Variants in MED23 observed in about 807,000 individuals in gnomAD.
MED23 encodes mediator of RNA polymerase II transcription subunit 23.
MED23 carries 105 observed loss-of-function variants against 163.9 expected under a neutral mutation model. The ratio of observed to expected loss-of-function variants is 0.64; its 90% CI spans 0.55 to 0.75. MED23 has a LOEUF of 0.75. MED23 is among the 30% of genes least tolerant of loss of function. The pLI is 0.00. For missense variants in MED23, 1,054 were observed against 1,649.0 expected (o/e 0.64, Z 6.25); for synonymous variants, 561 against 565.6 (o/e 0.99, Z 0.12).
chr6:131,581,154 GAAT>G, intron 30 of MED23: 2 of 1,525,856 alleles, frequency 1.3e-6, no homozygotes, highest in Non-Finnish European at 1.8e-6. Context: ...AGCATTGAGT[GAAT>G]AATATGATGT....
intron 22 of MED23, among the ~76,000 whole-genome samples, chr6:131,595,490 G>A (rs1173701291): frequency 1.3e-5 from 2 of 152,178 alleles, no homozygotes; most frequent in East Asian, 1.9e-4. Flanking sequence ...AGCATTCAAG[G>A]TGATCTACAG....
At position 131,628,150 on chromosome 6, in the gene MED23, A is replaced by G; in HGVS notation, c.-101T>C. On this transcript the variant is annotated 5_prime_UTR_variant, in exon 1 of 29. Transcript: ENST00000368068. Reference sequence around the variant, plus strand: ...AGAGGGGCGGAGACCTCTGGAGGAAACCGTAGCTCCTCGGCGTCGCTTCCT... The same window carrying G: ...AGAGGGGCGGAGACCTCTGGAGGAAGCCGTAGCTCCTCGGCGTCGCTTCCT... 7.2e-7 allele frequency: 1 copy of G among 1,383,040 alleles called. No individual in the cohort carries two copies. The highest frequency in any genetic ancestry group is 1.4e-5 in the African/African-American group (1 of 70,446). The allele number at this position is 1,383,040 out of a possible 1,614,324, so 85.7% of individuals were successfully genotyped here.
intron 10 of MED23, among the ~76,000 whole-genome samples, chr6:131,613,442 G>C (rs1776420309): frequency 6.6e-6 from 1 of 152,166 alleles, no homozygotes; most frequent in Admixed American, 6.5e-5. Flanking sequence ...AAAGCTGTGA[G>C]TAAATTATCA....
chr6:131,620,789 T>G, intron 6 of MED23, 60 bp from the exon 7 acceptor site: 1 of 980,644 alleles, frequency 1.0e-6, no homozygotes, highest in East Asian at 2.6e-5. Context: ...GCCCTTTATT[T>G]TATTTATTAT....
chr6:131,627,209 C>A, intron 3 of MED23, 187 bp downstream of exon 3: 1 of 605,590 alleles, frequency 1.7e-6, no homozygotes, highest in Non-Finnish European at 2.9e-6. Context: ...CTTCTCAACA[C>A]AGGTTTTCCA....
At position 131,624,899 on chromosome 6, in the gene MED23, C is replaced by T. The variant is rs756291187; in HGVS notation, c.250G>A (p.Ala84Thr). 3.1e-6 allele frequency: 5 copies of T among 1,613,868 alleles called. No homozygotes were observed. Among genetic ancestry groups the T allele is most frequent in the Non-Finnish European group, 2.5e-6 (3 of 1,179,942 alleles). The change falls in exon 4 of 29, where the codon GCA (alanine) becomes ACA (threonine). Residue 84 changes from alanine (A) to threonine (T), a missense_variant. Ala to Thr is a moderately conservative substitution (Grantham distance 58). This residue lies in a region of MED23 where 227 missense variants were observed against 235.5 expected (regional missense o/e 0.96). Transcript: ENST00000368068. ...KRISFLYDCL[A>T]MAVETGLLPP... ...AGGAGACCAGTCTCAACTGCCATTGCTAAGCAGTCATAAAGAAAAGAAATT... is the reference window on the plus strand; with the variant it reads ...AGGAGACCAGTCTCAACTGCCATTGTTAAGCAGTCATAAAGAAAAGAAATT...
intron 30 of MED23, among the ~76,000 whole-genome samples, chr6:131,577,644 G>A (rs1219477316): frequency 6.6e-6 from 1 of 152,038 alleles, no homozygotes; most frequent in Non-Finnish European, 1.5e-5. Flanking sequence ...GCTGAGGCCT[G>A]TAATCCTATC....
rs922939404 is a variant in MED23 at position 131,627,803 on chromosome 6, C to T, written c.40-131G>A. On this transcript the variant is annotated intron_variant, in intron 1 of 28. Transcript: ENST00000368068. ...CTGAAACTATCAATACCTGTCTGGCCTGTCACTGTATCGATTTCAAAGGAT... is the reference window on the plus strand; with the variant it reads ...CTGAAACTATCAATACCTGTCTGGCTTGTCACTGTATCGATTTCAAAGGAT... 3.5e-5 allele frequency: 37 copies of T among 1,051,630 alleles called. No individual in the cohort carries two copies. The African/African-American group carries it at 3.6e-4, about 10-fold the overall frequency. 65.1% of individuals were successfully genotyped at this position (1,051,630 alleles called of 1,614,324 possible).
Position 131,628,195 on chromosome 6 carries a change from AG to A in MED23, c.-147del, listed in dbSNP as rs1773403846. ...CTTCCTCCCCCAGCGCTTTACCTGG[AG>A]CGTTCCCTCCCGAGCCCAGCCAACA... On this transcript the variant is annotated 5_prime_UTR_variant, in exon 1 of 29. Transcript: ENST00000368068. 1.1e-6 allele frequency: 1 copy of A among 913,210 alleles called. No individual in the cohort carries two copies. 56.6% of individuals were successfully genotyped at this position (913,210 alleles called of 1,614,324 possible).
At chr6:131,627,061 T>C in intron 3 of MED23, 2 of 220,876 alleles carry the variant, frequency 9.1e-6, no homozygotes, top group Non-Finnish European at 1.8e-5. Context: ...GGAATTTGTA[T>C]CCTTGACAAG....
intron 3 of MED23, chr6:131,627,015 C>A: frequency 5.8e-6 from 1 of 172,852 alleles, no homozygotes; most frequent in South Asian, 1.4e-4. Context: ...ATCTTTGTAT[C>A]AATGCTGTGC....
chr6:131,590,171 A>C, intron 27 of MED23, 151 bp downstream of exon 27: 1 of 667,568 alleles, frequency 1.5e-6, no homozygotes, highest in Non-Finnish European at 2.6e-6. Flanking sequence ...CATTACTGGC[A>C]AACTAAGTCC....
At chr6:131,589,853 C>T (rs78384300) in intron 27 of MED23, among the ~76,000 whole-genome samples, 4,745 of 152,190 alleles carry the variant, frequency 0.031, 248 homozygotes, top group African/African-American at 0.11. Flanking sequence ...CTCTTAAAAT[C>T]AAGAGATAAA....
intron 30 of MED23, chr6:131,576,619 T>C (rs770529240): frequency 3.2e-6 from 5 of 1,546,894 alleles, no homozygotes; most frequent in Non-Finnish European, 4.5e-6. Flanking sequence ...GAGCATCTGA[T>C]GGTCATGATA....
intron 8 of MED23, among the ~76,000 whole-genome samples, chr6:131,618,832 AC>A (rs1333021775): frequency 6.6e-6 from 1 of 152,248 alleles, no homozygotes; most frequent in Non-Finnish European, 1.5e-5. Context: ...TTATTGGAAC[AC>A]CACTGCTTTT....
In MED23 at chr6:131,595,867, C is replaced by A. The variant is rs1034352826; in HGVS notation, c.2995+80G>T. ...AATATTTAAAATAAAACCTTTAGAG[C>A]CACTATTACCATGTGGTCCTGCCCA... On this transcript the variant is annotated intron_variant, in intron 22 of 28. Coordinates refer to ENST00000368068, the MANE Select transcript of MED23 (RefSeq NM_004830.4). 4.9e-6 allele frequency: 5 copies of A among 1,012,616 alleles called. No individual in the cohort carries two copies. In the African/African-American group the frequency reaches 8.0e-5, roughly 16 times the overall value. The allele number at this position is 1,012,616 out of a possible 1,614,324, so 62.7% of individuals were successfully genotyped here.
In MED23 at chr6:131,605,557, A is replaced by G. The variant is rs970426956; in HGVS notation, c.1368-72T>C. 1.3e-5 allele frequency: 18 copies of G among 1,351,644 alleles called. No individual in the cohort carries two copies. The African/African-American group carries it at 1.9e-4, about 14-fold the overall frequency. 83.7% of individuals were successfully genotyped at this position (1,351,644 alleles called of 1,614,324 possible). A position where few individuals can be genotyped will look rare whatever the true frequency, so the allele number is the denominator to read the frequency against. On this transcript the variant is annotated intron_variant, in intron 13 of 28. Coordinates refer to ENST00000368068, the MANE Select transcript of MED23 (RefSeq NM_004830.4). ...ATAATGTTAATTTGTATTTTTTTAA[A>G]AGTTCAATTTTATGCAATTATTTAT...
chr6:131,627,516 C>G, intron 2 of MED23, 33 bp from the exon 3 acceptor site: 3 of 1,600,408 alleles, frequency 1.9e-6, no homozygotes, highest in Non-Finnish European at 2.6e-6. Flanking sequence ...ATTTGTCATT[C>G]GTTTTAAAAA....
chr6:131,626,887 C>G (rs1777541927), intron 3 of MED23: 1 of 155,658 alleles, frequency 6.4e-6, no homozygotes, highest in African/African-American at 2.4e-5. Context: ...ACATTTTTGT[C>G]TTTTTCACGG....
Sources: allele counts gnomAD v4.1 joint callset (sites outside exome capture counted in the v4.1 genomes callset), GRCh38; gene constraint gnomAD v4.1.1; regional missense constraint gnomAD v4.1.1; transcripts MANE v1.5; gene names NCBI Gene and HGNC (gene_info 2026-07-23, HGNC 2026-07-21).